Variants in ANO3 observed in about 807,000 individuals in gnomAD.
ANO3 encodes anoctamin 3, also known as anoctamin-3.
ANO3 carries 99 observed loss-of-function variants against 144.8 expected under a neutral mutation model. That is an observed-to-expected ratio of 0.68 (90% CI 0.58 to 0.81). ANO3 has a LOEUF of 0.81. Among genes scored for constraint, ANO3 ranks in the 30% least tolerant of loss-of-function variants. The pLI is 0.00. For missense variants in ANO3, 905 were observed against 1,202.2 expected, an observed-to-expected ratio of 0.75 and a Z score of 3.66; for synonymous variants, 414 against 392.6, an observed-to-expected ratio of 1.05 and a Z score of -0.64.
intron 4 of ANO3, among the ~76,000 whole-genome samples, chr11:26,486,926 A>G (rs1052179216): frequency 1.4e-4 from 21 of 152,196 alleles, no homozygotes; most frequent in African/African-American, 5.1e-4. Context: ...TTTGTTGAGT[A>G]CTATTTTTAA....
At chr11:26,615,410 A>T (rs1394532907) in intron 17 of ANO3, among the ~76,000 whole-genome samples, 4 of 99,820 alleles carry the variant, frequency 4.0e-5, no homozygotes, top group Non-Finnish European at 7.7e-5. Flanking sequence ...ATATATATAT[A>T]TATATTTTTT....
chr11:26,415,690 G>T (rs1857565088), intron 1 of ANO3, among the ~76,000 whole-genome samples: 1 of 152,038 alleles, frequency 6.6e-6, no homozygotes, highest in African/African-American at 2.4e-5. Flanking sequence ...CACACTGAAA[G>T]AAAACCTATC....
intron 3 of ANO3, among the ~76,000 whole-genome samples, chr11:26,461,159 G>T (rs369584928): frequency 6.6e-6 from 1 of 152,024 alleles, no homozygotes; most frequent in South Asian, 2.1e-4. Flanking sequence ...GGAAGGAAAG[G>T]GGGAGAAAGG....
At chr11:26,269,099 G>C (rs1221347753) in intron 1 of ANO3, among the ~76,000 whole-genome samples, 1 of 152,146 alleles carries the variant, frequency 6.6e-6, no homozygotes, top group Non-Finnish European at 1.5e-5. Context: ...TGCCTTACAA[G>C]ATTCACCAGG....
intron 1 of ANO3, among the ~76,000 whole-genome samples, chr11:26,406,725 G>GT (rs1565006601): frequency 3.2e-4 from 40 of 124,928 alleles, no homozygotes; most frequent in Non-Finnish European, 5.1e-4. Flanking sequence ...GTGTGTGTGT[G>GT]GATTGGTGGC....
intron 17 of ANO3, among the ~76,000 whole-genome samples, chr11:26,622,439 AAAAAG>A (rs1325959867): frequency 6.6e-6 from 1 of 151,422 alleles, no homozygotes; most frequent in African/African-American, 2.4e-5. Context: ...TGAAAAAAAA[AAAAAG>A]AAAAGAAAAT....
At chr11:26,412,167 C>G (rs1857450327) in intron 1 of ANO3, among the ~76,000 whole-genome samples, 1 of 151,886 alleles carries the variant, frequency 6.6e-6, no homozygotes, top group South Asian at 2.1e-4. Flanking sequence ...ACAAGGCTAG[C>G]TTTTAATATG....
At chr11:26,458,088 T>C (rs1281091763) in intron 3 of ANO3, among the ~76,000 whole-genome samples, 6 of 152,102 alleles carry the variant, frequency 3.9e-5, no homozygotes, top group African/African-American at 2.4e-5. Context: ...TGTAATTTAG[T>C]GCTATTGCTT....
rs68138224 is a variant in ANO3, at chr11:26,539,133, TACACACACACACACACACACAC to T, written c.1032+1692_1032+1713del. ...GGAAAAATAAAGGGAACAAGAGAAA[TACACACACACACACACACACAC>T]ACACACACACACACACACAAGAGTT... On this transcript the variant is annotated intron_variant, in intron 10 of 26. Transcript: ENST00000256737. Among the ~76,000 whole-genome samples the T allele has an allele frequency of 5.2e-4, 78 of 149,308 alleles. 1 individual carries two copies. The highest frequency in any genetic ancestry group is 4.7e-3 in the South Asian group (22 of 4,678).
intron 1 of ANO3, among the ~76,000 whole-genome samples, chr11:26,363,829 C>CAAAAA (rs11424661): frequency 6.8e-6 from 1 of 147,760 alleles, no homozygotes. Flanking sequence ...ATACATACTG[C>CAAAAA]AAAAAAAAAA....
chr11:26,557,983 A>G (rs145862262), intron 13 of ANO3, among the ~76,000 whole-genome samples: 2 of 152,302 alleles, frequency 1.3e-5, no homozygotes, highest in Admixed American at 6.5e-5. Flanking sequence ...AGTCTTCTCT[A>G]ATGCTCCTTC....
chr11:26,529,959 C>T (rs1162324909), intron 7 of ANO3, among the ~76,000 whole-genome samples: 1 of 152,120 alleles, frequency 6.6e-6, no homozygotes, highest in Non-Finnish European at 1.5e-5. Flanking sequence ...AAACCCGTTA[C>T]TCAAAGTATA....
chr11:26,544,672 A>T (rs1055795400), intron 11 of ANO3, among the ~76,000 whole-genome samples: 1 of 151,632 alleles, frequency 6.6e-6, no homozygotes, highest in African/African-American at 2.4e-5. Flanking sequence ...AGCTATATGC[A>T]TATTTCAAAA....
chr11:26,298,131 A>G lies in ANO3; in HGVS notation c.155-11514A>G, dbSNP rs150595295. ...ACTAGAGACTACAAGACAGAGATCA[A>G]AATGTCAATTGTGAATTGATGTAAG... On this transcript the variant is annotated intron_variant, in intron 1 of 27. Transcript: ENST00000672621. Among the ~76,000 whole-genome samples the G allele has an allele frequency of 8.3e-3, 1,259 of 152,324 alleles. 11 individuals carry two copies. Among genetic ancestry groups the G allele is most frequent in the African/African-American group, 0.029 (1,201 of 41,570 alleles).
chr11:26,648,273 G>A lies in ANO3; in HGVS notation c.2576+417G>A, dbSNP rs543429045. 2.3e-4 allele frequency among the ~76,000 whole-genome samples: 35 copies of A among 152,212 alleles called. 1 individual carries two copies. Among genetic ancestry groups the A allele is most frequent in the African/African-American group, 7.5e-4 (31 of 41,516 alleles). On this transcript the variant is annotated intron_variant, in intron 24 of 26. Transcript: ENST00000256737. ...TAGTTTGTGGGAAGAAGCAGAACTT[G>A]AAGGAACTGTCAGCTCTGTGACTGG...
chr11:26,389,910 C>T (rs1197877099), intron 1 of ANO3, among the ~76,000 whole-genome samples: 1 of 152,080 alleles, frequency 6.6e-6, no homozygotes, highest in Non-Finnish European at 1.5e-5. Flanking sequence ...CTGTACACCT[C>T]TACTACGTGC....
intron 1 of ANO3, among the ~76,000 whole-genome samples, chr11:26,402,687 A>G (rs555415592): frequency 6.6e-6 from 1 of 152,036 alleles, no homozygotes; most frequent in East Asian, 1.9e-4. Context: ...AGAGGGGAAC[A>G]ATACACACTG....
chr11:26,537,221 T>C (rs2134196362), intron 9 of ANO3, among the ~76,000 whole-genome samples, 185 bp from the exon 10 acceptor site: 1 of 152,270 alleles, frequency 6.6e-6, no homozygotes, highest in East Asian at 1.9e-4. Flanking sequence ...CATAAGGACA[T>C]AACTAGATGC....
chr11:26,336,193 C>T (rs1258168253), intron 1 of ANO3, among the ~76,000 whole-genome samples: 1 of 152,106 alleles, frequency 6.6e-6, no homozygotes, highest in East Asian at 1.9e-4. Flanking sequence ...TTATGATGAG[C>T]TCATGTGTCA....
Sources: gnomAD v4.1 joint callset for allele counts (sites outside exome capture counted in the v4.1 genomes callset) on GRCh38, gnomAD v4.1.1 for gene constraint, MANE v1.5 for transcripts, NCBI Gene and HGNC (gene_info 2026-07-23, HGNC 2026-07-21) for gene names.